The following PHC3 variants were observed in gnomAD, a reference collection of about 807,000 sequenced individuals.
PHC3 encodes polyhomeotic homolog 3, also known as polyhomeotic-like protein 3.
Under a neutral mutation model 107.4 loss-of-function variants are expected in PHC3, and 13 were observed. The ratio of observed to expected loss-of-function variants is 0.12; its 90% CI spans 0.08 to 0.19. PHC3 has a LOEUF of 0.19. Among genes scored for constraint, PHC3 ranks in the 10% least tolerant of loss-of-function variants. PHC3 has a pLI of 1.00. For missense variants in PHC3, 992 were observed against 1,210.9 expected (o/e 0.82, Z 2.68); for synonymous variants, 456 against 427.4 (o/e 1.07, Z -0.83).
chr3:170,102,182 C>T (rs1049685157), intron 14 of PHC3: 6 of 985,204 alleles, frequency 6.1e-6, no homozygotes, highest in African/African-American at 1.7e-5. Context: ...ACTGACCTCT[C>T]GAGAGAAATC....
At chr3:170,153,381 T>C (rs1216540873) in intron 4 of PHC3, among the ~76,000 whole-genome samples, 2 of 152,136 alleles carry the variant, frequency 1.3e-5, no homozygotes, top group Admixed American at 1.3e-4. Context: ...TACTTTAATA[T>C]CTGCAAACTG....
At position 170,106,938 on chromosome 3, in the gene PHC3, C is replaced by G. The variant is rs200862534; in HGVS notation, c.2362G>C (p.Glu788Gln). The G allele has an allele frequency of 6.3e-7, 1 of 1,586,424 alleles. No individual in the cohort carries two copies. The highest frequency in any genetic ancestry group is 8.5e-7 in the Non-Finnish European group (1 of 1,169,814). The change falls in exon 12 of 15, where the codon GAA becomes CAA. Residue 788 changes from glutamate (E) to glutamine (Q), a missense_variant. This residue lies in a region of PHC3 where 228 missense variants were observed against 288.8 expected (regional missense o/e 0.79). Coordinates refer to ENST00000495893, the MANE Select transcript of PHC3 (RefSeq NM_024947.4). ...MEDMIAEETLEEMDSELLKCE... is the reference protein window; with the variant it reads ...MEDMIAEETLQEMDSELLKCE... ...TTGAGCAACTCACTGTCCATTTCTT[C>G]TAATGTCTCTAAAAAAGAAGGAAAC... is the stretch of plus-strand genomic sequence containing the variant.
intron 2 of PHC3, among the ~76,000 whole-genome samples, chr3:170,178,204 C>T (rs915291755): frequency 1.4e-5 from 2 of 144,406 alleles, no homozygotes; most frequent in East Asian, 2.0e-4. Context: ...AGTGCTGTGG[C>T]GCGATCTCCG....
In PHC3 at chr3:170,122,746, T is replaced by C. The variant is rs749719750; in HGVS notation, c.1789-2A>G. 6 of 1,613,722 alleles carry C rather than the reference T, an allele frequency of 3.7e-6. No individual in the cohort carries two copies. The highest frequency in any genetic ancestry group is 5.1e-6 in the Non-Finnish European group (6 of 1,179,734). On this transcript the variant is annotated splice_acceptor_variant, in intron 8 of 14. Coordinates refer to ENST00000495893, the MANE Select transcript of PHC3 (RefSeq NM_024947.4). LOFTEE classifies it high-confidence loss of function. ...ACACACATCTTCTACCTGATAAACCTGCAATGACAAACCATACTGCCTTAA... is the reference window on the plus strand; with the variant it reads ...ACACACATCTTCTACCTGATAAACCCGCAATGACAAACCATACTGCCTTAA...
chr3:170,137,219 G>T (rs544460040), intron 6 of PHC3, among the ~76,000 whole-genome samples: 1 of 152,258 alleles, frequency 6.6e-6, no homozygotes, highest in East Asian at 1.9e-4. Context: ...TAAAATTTTG[G>T]TGGTGGTGTT....
Position 170,096,615 on chromosome 3 carries a change from G to A in PHC3, c.*615C>T, listed in dbSNP as rs1484731003. 6.6e-6 allele frequency: 1 copy of A among 152,136 alleles called. No individual in the cohort carries two copies. Among genetic ancestry groups the A allele is most frequent in the Non-Finnish European group, 1.5e-5 (1 of 68,028 alleles). The allele number at this position is 152,136 out of a possible 1,614,324, so 9.4% of individuals were successfully genotyped here. On this transcript the variant is annotated 3_prime_UTR_variant, in exon 15 of 15. Coordinates refer to ENST00000495893, the MANE Select transcript of PHC3 (RefSeq NM_024947.4). ...AAAAACTGAGAGGAAAACGTTCTCA[G>A]TCAAACCAAATTCTTGGTCAAGTTT... is the stretch of plus-strand genomic sequence containing the variant.
intron 4 of PHC3, among the ~76,000 whole-genome samples, chr3:170,155,764 C>T (rs907734495): frequency 6.6e-6 from 1 of 151,820 alleles, no homozygotes; most frequent in Non-Finnish European, 1.5e-5. Flanking sequence ...GATATACACA[C>T]AATAATACAT....
chr3:170,133,687 C>T (rs1265069823), intron 7 of PHC3, among the ~76,000 whole-genome samples: 1 of 152,144 alleles, frequency 6.6e-6, no homozygotes, highest in South Asian at 2.1e-4. Context: ...GGACTTAAAA[C>T]TGACCTGAGA....
chr3:170,178,719 A>G, intron 2 of PHC3, 54 bp downstream of exon 2: 3 of 1,575,618 alleles, frequency 1.9e-6, no homozygotes, highest in Non-Finnish European at 2.6e-6. Flanking sequence ...AGCTTAAGCA[A>G]AAAGTAATAT....
chr3:170,135,975 GACA>G (rs151287090), intron 7 of PHC3, among the ~76,000 whole-genome samples: 5,839 of 152,162 alleles, frequency 0.038, 363 homozygotes, highest in African/African-American at 0.13. Context: ...GGCAGAAAAA[GACA>G]ACAACATAAG....
At chr3:170,098,658 TACAA>T (rs1289606102) in intron 14 of PHC3, among the ~76,000 whole-genome samples, 9 of 152,272 alleles carry the variant, frequency 5.9e-5, no homozygotes, top group Non-Finnish European at 1.2e-4. Flanking sequence ...GTAAGAGTAA[TACAA>T]ACATTTTTTC....
intron 4 of PHC3, among the ~76,000 whole-genome samples, chr3:170,149,516 G>A (rs772489937): frequency 1.2e-4 from 18 of 151,838 alleles, no homozygotes; most frequent in Admixed American, 2.0e-4. Flanking sequence ...GTGCAAGTGC[G>A]CGATTTTGGC....
At chr3:170,178,189 G>A (rs969552828) in intron 2 of PHC3, among the ~76,000 whole-genome samples, 5 of 150,588 alleles carry the variant, frequency 3.3e-5, no homozygotes, top group African/African-American at 1.2e-4. Flanking sequence ...TGTCGCTCAG[G>A]CGGGAGTGCT....
At chr3:170,173,875 G>T (rs1730001049) in intron 2 of PHC3, among the ~76,000 whole-genome samples, 1 of 152,110 alleles carries the variant, frequency 6.6e-6, no homozygotes, top group Non-Finnish European at 1.5e-5. Context: ...CTTACAATGA[G>T]CAGGTATTAT....
At chr3:170,132,536 C>T (rs778117338) in intron 7 of PHC3, among the ~76,000 whole-genome samples, 32 of 152,244 alleles carry the variant, frequency 2.1e-4, no homozygotes, top group Admixed American at 5.9e-4. Context: ...ATGGTTTGTG[C>T]CCTTTTAAGA....
At chr3:170,109,319 G>A (rs1330780958) in intron 11 of PHC3, among the ~76,000 whole-genome samples, 1 of 152,068 alleles carries the variant, frequency 6.6e-6, no homozygotes, top group African/African-American at 2.4e-5. Context: ...GCATATGACT[G>A]TAAATGCTCA....
intron 3 of PHC3, among the ~76,000 whole-genome samples, chr3:170,172,354 A>C (rs1244174101): frequency 1.3e-5 from 2 of 151,034 alleles, no homozygotes; most frequent in African/African-American, 4.9e-5. Context: ...ACTGAGACAA[A>C]AGCTAGAAAC....
At chr3:170,124,477 C>T (rs984576263) in intron 8 of PHC3, among the ~76,000 whole-genome samples, 1 of 152,094 alleles carries the variant, frequency 6.6e-6, no homozygotes, top group Non-Finnish European at 1.5e-5. Context: ...GACCTCCAAG[C>T]TCAGCCTCCT....
At chr3:170,155,608 G>A (rs1029113862) in intron 4 of PHC3, among the ~76,000 whole-genome samples, 14 of 152,048 alleles carry the variant, frequency 9.2e-5, no homozygotes, top group Admixed American at 8.5e-4. Flanking sequence ...TGTGGTCCCA[G>A]CTACTCAGGC....
Sources: gnomAD v4.1 joint callset for allele counts (sites outside exome capture counted in the v4.1 genomes callset) on GRCh38, gnomAD v4.1.1 for gene constraint, gnomAD v4.1.1 regional missense constraint, MANE v1.5 for transcripts, NCBI Gene and HGNC (gene_info 2026-07-23, HGNC 2026-07-21) for gene names.